Variants in XPO4 observed in about 807,000 individuals in gnomAD.
XPO4 encodes exportin-4.
In XPO4, 39 loss-of-function variants were observed where a neutral mutation model predicts 143.0. That is an observed-to-expected ratio of 0.27 (90% CI 0.21 to 0.36). The LOEUF is 0.36. Among genes scored for constraint, XPO4 ranks in the 10% least tolerant of loss-of-function variants. XPO4 has a pLI of 1.00. For missense variants in XPO4, 907 were observed against 1,348.0 expected (o/e 0.67, Z 5.12); for synonymous variants, 439 against 474.0 (o/e 0.93, Z 0.96).
intron 7 of XPO4, among the ~76,000 whole-genome samples, chr13:20,825,926 T>C (rs950516621): frequency 6.6e-6 from 1 of 152,188 alleles, no homozygotes; most frequent in Non-Finnish European, 1.5e-5. Context: ...TTAAAATACA[T>C]ACCACATAAC....
chr13:20,859,129 A>ATC (rs752853345), intron 3 of XPO4, among the ~76,000 whole-genome samples: 1 of 151,020 alleles, frequency 6.6e-6, no homozygotes, highest in South Asian at 2.1e-4. Flanking sequence ...CTCAGGAGTT[A>ATC]GAGACCAGCC....
intron 4 of XPO4, chr13:20,849,891 A>G: frequency 1.2e-6 from 1 of 829,138 alleles, no homozygotes; most frequent in Non-Finnish European, 1.5e-6. Flanking sequence ...AGATCACTTG[A>G]GGTCAGGAGT....
chr13:20,842,240 C>T (rs1312922325), intron 6 of XPO4, among the ~76,000 whole-genome samples: 6 of 152,118 alleles, frequency 3.9e-5, no homozygotes, highest in East Asian at 1.9e-4. Flanking sequence ...TTACTATCAA[C>T]GGGCAGCAGA....
intron 6 of XPO4, among the ~76,000 whole-genome samples, chr13:20,828,209 C>T (rs2059809462): frequency 6.6e-6 from 1 of 152,192 alleles, no homozygotes; most frequent in Non-Finnish European, 1.5e-5. Flanking sequence ...CATTGCACTC[C>T]AGCCTGGGTG....
chr13:20,856,446 G>T, intron 3 of XPO4: 2 of 666,254 alleles, frequency 3.0e-6, no homozygotes, highest in South Asian at 6.7e-5. Context: ...AAACTTAATT[G>T]ACTTTTCACA....
At chr13:20,846,218 T>C (rs1213698210) in intron 4 of XPO4, among the ~76,000 whole-genome samples, 1 of 152,240 alleles carries the variant, frequency 6.6e-6, no homozygotes, top group South Asian at 2.1e-4. Context: ...TATCACCATA[T>C]TCAAGTTTTC....
At chr13:20,856,969 T>A (rs2060150346) in intron 3 of XPO4, 1 of 806,134 alleles carries the variant, frequency 1.2e-6, no homozygotes, top group African/African-American at 1.9e-5. Flanking sequence ...CACTAGCATA[T>A]GCAAAGCACA....
At chr13:20,836,581 C>G (rs1477311820) in intron 6 of XPO4, among the ~76,000 whole-genome samples, 1 of 152,198 alleles carries the variant, frequency 6.6e-6, no homozygotes, top group African/African-American at 2.4e-5. Context: ...CACCCCTAAT[C>G]TCCCTCTATA....
chr13:20,837,771 T>C (rs1441193259), intron 6 of XPO4, among the ~76,000 whole-genome samples: 2 of 152,108 alleles, frequency 1.3e-5, no homozygotes, highest in Non-Finnish European at 2.9e-5. Flanking sequence ...AAAGAGAGAA[T>C]GAGGAAGATG....
At position 20,879,088 on chromosome 13, in the gene XPO4, A is replaced by C. The variant is rs2060381536; in HGVS notation, c.70-10387T>G. On this transcript the variant is annotated intron_variant, in intron 1 of 22. Coordinates refer to ENST00000255305, the MANE Select transcript of XPO4 (RefSeq NM_022459.5). ...CAGGGATCCAAAGATGAATGCAAGC[A>C]CTCATGTGTTTACCCTGGAGACATG... 5.1e-6 allele frequency: 5 copies of C among 983,256 alleles called. No individual in the cohort carries two copies. In the South Asian group the frequency reaches 2.4e-4, roughly 46 times the overall value. 60.9% of individuals were successfully genotyped at this position (983,256 alleles called of 1,614,324 possible). A position where few individuals can be genotyped will look rare whatever the true frequency, so the allele number is the denominator to read the frequency against.
chr13:20,858,582 T>C (rs1256689037), intron 3 of XPO4, among the ~76,000 whole-genome samples: 1 of 151,858 alleles, frequency 6.6e-6, no homozygotes, highest in African/African-American at 2.4e-5. Flanking sequence ...ATAAAAAATA[T>C]GTATGTAAGC....
rs369889899 is a variant in XPO4 at position 20,899,067 on chromosome 13, T to TCC, written c.69+3601_69+3602dup. On this transcript the variant is annotated intron_variant, in intron 1 of 22. Coordinates refer to ENST00000255305, the MANE Select transcript of XPO4 (RefSeq NM_022459.5). The stretch of plus-strand genomic sequence containing the variant: ...GTGAGCCATGATCATGCCACTACAC[T>TCC]CCAGCTGGGACAACAGAGACCCTGT... Among the ~76,000 whole-genome samples the TCC allele has an allele frequency of 9.3e-4, 142 of 152,060 alleles. No individual in the cohort carries two copies. In the Middle Eastern group the frequency reaches 0.01, roughly 11 times the overall value.
At chr13:20,884,441 AATCT>A (rs1391445568) in intron 1 of XPO4, among the ~76,000 whole-genome samples, 1 of 152,040 alleles carries the variant, frequency 6.6e-6, no homozygotes, top group Non-Finnish European at 1.5e-5. Flanking sequence ...AATCCAATCC[AATCT>A]ATCACCCAGG....
chr13:20,828,335 CTCAA>C (rs2059811205), intron 6 of XPO4, among the ~76,000 whole-genome samples: 2 of 152,138 alleles, frequency 1.3e-5, no homozygotes, highest in Admixed American at 6.5e-5. Flanking sequence ...ATTCACATCA[CTCAA>C]TGAGAAATCT....
rs1318505616 is a variant in XPO4, at chr13:20,822,369, A to C, written c.841-80T>G. On this transcript the variant is annotated intron_variant, in intron 7 of 22. Transcript: ENST00000255305. ...CGTGTCTACCATGCCGAATGAGGTA[A>C]GACAAAAATTCACTGTAGCTGGTTA... The C allele has an allele frequency of 5.5e-6, 7 of 1,266,702 alleles. No homozygotes were observed. The African/African-American group carries it at 1.0e-4, about 19-fold the overall frequency. 78.5% of individuals were successfully genotyped at this position (1,266,702 alleles called of 1,614,324 possible). A position where few individuals can be genotyped will look rare whatever the true frequency, so the allele number is the denominator to read the frequency against.
intron 3 of XPO4, chr13:20,856,854 T>C (rs1445885410): frequency 9.1e-6 from 9 of 985,220 alleles, no homozygotes; most frequent in Non-Finnish European, 1.1e-5. Flanking sequence ...GACGTCACTT[T>C]CTCCAGAAAG....
intron 3 of XPO4, among the ~76,000 whole-genome samples, chr13:20,859,457 A>G (rs967577880): frequency 1.3e-5 from 2 of 152,054 alleles, no homozygotes; most frequent in East Asian, 1.9e-4. Flanking sequence ...AAAATTAGCC[A>G]GGCGTGGTGG....
At chr13:20,828,475 G>A (rs1297149530) in intron 6 of XPO4, among the ~76,000 whole-genome samples, 1 of 152,118 alleles carries the variant, frequency 6.6e-6, no homozygotes, top group African/African-American at 2.4e-5. Flanking sequence ...ATTAAAGGCT[G>A]TAATAATGCT....
chr13:20,872,501 T>C (rs1453871498), intron 1 of XPO4, among the ~76,000 whole-genome samples: 2 of 152,202 alleles, frequency 1.3e-5, no homozygotes, highest in African/African-American at 2.4e-5. Context: ...AGGCATTTAA[T>C]AGCAACTAAC....
Sources: gnomAD v4.1 joint callset for allele counts (sites outside exome capture counted in the v4.1 genomes callset) on GRCh38, gnomAD v4.1.1 for gene constraint, MANE v1.5 for transcripts, NCBI Gene and HGNC (gene_info 2026-07-23, HGNC 2026-07-21) for gene names.